PALLD: variants seen among roughly 807,000 people sequenced by gnomAD.
The protein encoded by PALLD is palladin, cytoskeletal associated protein, also known as palladin.
Under a neutral mutation model 123.5 loss-of-function variants are expected in PALLD, and 61 were observed. The observed-to-expected ratio is 0.49, with a 90% confidence interval of 0.40 to 0.61. The LOEUF (loss-of-function observed/expected upper bound fraction) is 0.61. Ranked by LOEUF, PALLD falls within the 20% of genes least tolerant of loss-of-function variation. The pLI is 0.00. For synonymous variants in PALLD, 465 were observed against 496.4 expected (o/e 0.94, Z 0.84); for missense variants, 1,273 against 1,377.0 (o/e 0.92, Z 1.20).
chr4:168,574,297 C>A (rs939824269), intron 2 of PALLD, among the ~76,000 whole-genome samples: 2 of 151,912 alleles, frequency 1.3e-5, no homozygotes, highest in African/African-American at 4.8e-5. Context: ...ACAAAAAACC[C>A]CCAAAGAAAC....
chr4:168,671,486 A>G (rs1252069457), intron 3 of PALLD, among the ~76,000 whole-genome samples: 3 of 152,202 alleles, frequency 2.0e-5, no homozygotes, highest in Non-Finnish European at 4.4e-5. Flanking sequence ...CTATAGATAG[A>G]TCGTATGTGA....
chr4:168,926,098 T>C lies in PALLD; in HGVS notation c.*33-115T>C, dbSNP rs1762536081. The C allele has an allele frequency of 6.2e-6, 5 of 806,470 alleles. No homozygotes were observed. In the South Asian group the frequency reaches 1.2e-4, roughly 20 times the overall value. The allele number at this position is 806,470 out of a possible 1,614,324, so 50.0% of individuals were successfully genotyped here. On this transcript the variant is annotated intron_variant, in intron 21 of 21. Transcript: ENST00000505667. ...TCCTAAATTTTCCATGTTTCTACCA[T>C]GGATGTGTTCAGGTGCCTTGCATCT...
intron 2 of PALLD, among the ~76,000 whole-genome samples, chr4:168,660,043 T>C (rs1778978941): frequency 1.3e-5 from 2 of 152,154 alleles, no homozygotes; most frequent in African/African-American, 4.8e-5. Context: ...ATCATAAAAA[T>C]CAACACCCAT....
chr4:168,779,494 T>TA (rs1227107576), intron 10 of PALLD, among the ~76,000 whole-genome samples: 1 of 150,816 alleles, frequency 6.6e-6, no homozygotes, highest in African/African-American at 2.4e-5. Flanking sequence ...CATATATATA[T>TA]AAAAAATCAT....
intron 3 of PALLD, among the ~76,000 whole-genome samples, chr4:168,675,392 C>T (rs563998372): frequency 2.6e-5 from 4 of 152,234 alleles, no homozygotes; most frequent in Admixed American, 6.5e-5. Flanking sequence ...CATTGTGAAG[C>T]GTGCTGTGAT....
In PALLD at chr4:168,738,575, C is replaced by T. The variant is rs1007238927; in HGVS notation, c.1964+26652C>T. Among the ~76,000 whole-genome samples the T allele has an allele frequency of 8.0e-5, 12 of 150,296 alleles. No homozygotes were observed. In the East Asian group the frequency reaches 9.9e-4, roughly 12 times the overall value. Reference sequence around the variant, plus strand: ...CCTCCCAAATAGCTGGGATTATAGGCGTGTACTACCATGCCCGGCTAAGTT... The same window carrying T: ...CCTCCCAAATAGCTGGGATTATAGGTGTGTACTACCATGCCCGGCTAAGTT... On this transcript the variant is annotated intron_variant, in intron 10 of 21. Coordinates refer to ENST00000505667, the MANE Select transcript of PALLD (RefSeq NM_001166108.2).
At chr4:168,631,799 T>C (rs751864849) in intron 2 of PALLD, 1 of 985,320 alleles carries the variant, frequency 1.0e-6, no homozygotes, top group Non-Finnish European at 1.2e-6. Flanking sequence ...CGAGATCGCA[T>C]TCAGAGCCCA....
chr4:168,656,116 A>G (rs1321246900), intron 2 of PALLD, among the ~76,000 whole-genome samples: 3 of 152,202 alleles, frequency 2.0e-5, no homozygotes, highest in Non-Finnish European at 2.9e-5. Context: ...AATGTAATCC[A>G]AGTTACAACA....
chr4:168,831,293 G>T (rs965778179), intron 10 of PALLD, among the ~76,000 whole-genome samples: 1 of 152,184 alleles, frequency 6.6e-6, no homozygotes. Flanking sequence ...AGAAGTTCCT[G>T]TGTAGATGAG....
chr4:168,834,778 T>G (rs1185024418), intron 10 of PALLD, among the ~76,000 whole-genome samples: 1 of 152,222 alleles, frequency 6.6e-6, no homozygotes, highest in East Asian at 1.9e-4. Context: ...TGCATTGTAC[T>G]TGATCTTCAG....
intron 2 of PALLD, among the ~76,000 whole-genome samples, chr4:168,659,903 C>G (rs1228457784): frequency 1.3e-5 from 2 of 152,162 alleles, no homozygotes; most frequent in Admixed American, 6.5e-5. Context: ...ATAGATACTG[C>G]TAGTCAACTT....
intron 1 of PALLD, among the ~76,000 whole-genome samples, chr4:168,501,170 C>T (rs1472921987): frequency 6.6e-6 from 1 of 152,108 alleles, no homozygotes; most frequent in Non-Finnish European, 1.5e-5. Flanking sequence ...CCCAGCAACT[C>T]AGGAGCCTGA....
intron 1 of PALLD, among the ~76,000 whole-genome samples, chr4:168,501,985 C>T (rs1304472161): frequency 6.6e-6 from 1 of 152,074 alleles, no homozygotes; most frequent in Non-Finnish European, 1.5e-5. Context: ...GTATAAAAAG[C>T]TTTGAACTTG....
At chr4:168,569,280 A>T (rs1298748338) in intron 2 of PALLD, among the ~76,000 whole-genome samples, 6 of 152,096 alleles carry the variant, frequency 3.9e-5, no homozygotes, top group Non-Finnish European at 8.8e-5. Flanking sequence ...CCGCCAAGTG[A>T]CCAATGAGAA....
chr4:168,907,428 T>G (rs1189214105), intron 15 of PALLD, among the ~76,000 whole-genome samples: 1 of 152,106 alleles, frequency 6.6e-6, no homozygotes, highest in Non-Finnish European at 1.5e-5. Context: ...GCTTTTCCAT[T>G]TTATCACCTC....
At chr4:168,662,447 C>T (rs1779215650) in intron 2 of PALLD, among the ~76,000 whole-genome samples, 1 of 152,206 alleles carries the variant, frequency 6.6e-6, no homozygotes, top group Non-Finnish European at 1.5e-5. Flanking sequence ...GCTTTGTAGC[C>T]TTAAACAGCT....
At chr4:168,744,769 T>C (rs1788691769) in intron 10 of PALLD, among the ~76,000 whole-genome samples, 1 of 152,242 alleles carries the variant, frequency 6.6e-6, no homozygotes, top group South Asian at 2.1e-4. Context: ...CTGTTTGTCA[T>C]GTTCAGTACA....
At chr4:168,532,764 G>A (rs1764726330) in intron 2 of PALLD, among the ~76,000 whole-genome samples, 1 of 152,074 alleles carries the variant, frequency 6.6e-6, no homozygotes, top group Non-Finnish European at 1.5e-5. Flanking sequence ...TGGAGGCCAA[G>A]GTGCATTCAG....
At chr4:168,757,211 T>C (rs1732011800) in intron 10 of PALLD, among the ~76,000 whole-genome samples, 1 of 152,180 alleles carries the variant, frequency 6.6e-6, no homozygotes. Flanking sequence ...AGAAAACTGA[T>C]ACAGTACCCA....
Sources: gnomAD v4.1 joint callset for allele counts (sites outside exome capture counted in the v4.1 genomes callset) on GRCh38, gnomAD v4.1.1 for gene constraint, MANE v1.5 for transcripts, NCBI Gene and HGNC (gene_info 2026-07-23, HGNC 2026-07-21) for gene names.